SCUBE3: variants seen among roughly 807,000 people sequenced by gnomAD.
SCUBE3 encodes the protein signal peptide, CUB and EGF-like domain-containing protein 3.
In SCUBE3, 33 loss-of-function variants were observed where a neutral mutation model predicts 116.8. The observed-to-expected ratio is 0.28, with a 90% confidence interval of 0.21 to 0.38. The LOEUF is 0.38. Among genes scored for constraint, SCUBE3 ranks in the 10% least tolerant of loss-of-function variants. The pLI is 1.00. For missense variants in SCUBE3, 1,007 were observed against 1,324.8 expected, an observed-to-expected ratio of 0.76 and a Z score of 3.72; for synonymous variants, 418 against 496.9, an observed-to-expected ratio of 0.84 and a Z score of 2.11.
chr6:35,243,964 T>A lies in SCUBE3; in HGVS notation c.2073T>A (p.Gly691=). Residue 691 remains glycine (G), a splice_region_variant and synonymous_variant, in exon 17 of 22, where the codon GGT becomes GGA. Coordinates refer to ENST00000274938, the MANE Select transcript of SCUBE3 (RefSeq NM_152753.4). The surrounding 1 kb of genome is among the most constrained non-coding windows in gnomAD (Gnocchi z 6.6). The stretch of plus-strand genomic sequence containing the variant: ...AGTTGGGCCCTTGATTCATTGCAGG[T>A]CAGTGCCCACCTGGCCAACACTCTG... ...LGATNVTTCA[G]QCPPGQHSVD... 6.2e-7 allele frequency: 1 copy of A among 1,613,406 alleles called. No individual in the cohort carries two copies.
Position 35,241,699 on chromosome 6 carries a change from A to C in SCUBE3, c.1312+40A>C. On this transcript the variant is annotated intron_variant, in intron 11 of 21. Transcript: ENST00000274938. This position sits in a 1 kb window ranked among gnomAD's most constrained non-coding sequence, Gnocchi z 4.1. The stretch of plus-strand genomic sequence containing the variant: ...GGTGCTGGAGAGCTTTGGAGGAGAA[A>C]AGAGGAAGGACTGGCCGTTCAGGCA... The C allele has an allele frequency of 6.5e-7, 1 of 1,542,834 alleles. No individual in the cohort carries two copies. Among genetic ancestry groups the C allele is most frequent in the Non-Finnish European group, 9.0e-7 (1 of 1,114,802 alleles).
rs190502475 is a variant in SCUBE3, at chr6:35,229,616, T to C, written c.334+877T>C. 2.4e-4 allele frequency among the ~76,000 whole-genome samples: 36 copies of C among 152,298 alleles called. No homozygotes were observed. The East Asian group carries it at 6.6e-3, about 28-fold the overall frequency. On this transcript the variant is annotated intron_variant, in intron 3 of 21. Coordinates refer to ENST00000274938, the MANE Select transcript of SCUBE3 (RefSeq NM_152753.4). ...AGGCTTGTTTTCTCCCAGTTCTTCC[T>C]GCAATCTCCAGTCTCACCCTCTCCT...
intron 1 of SCUBE3, 120 bp from the exon 2 acceptor site, chr6:35,227,459 TG>T: frequency 9.8e-7 from 1 of 1,021,184 alleles, no homozygotes; most frequent in South Asian, 1.4e-5. Flanking sequence ...CACCTGTTTC[TG>T]GAGGGGGTCA....
chr6:35,251,518 G>C lies in SCUBE3; in HGVS notation c.*2813G>C, dbSNP rs1158111451. 4 of 152,282 alleles carry C rather than the reference G, an allele frequency of 2.6e-5. No homozygotes were observed. Among genetic ancestry groups the C allele is most frequent in the Admixed American group, 1.3e-4 (2 of 15,278 alleles). 9.4% of individuals were successfully genotyped at this position (152,282 alleles called of 1,614,324 possible). On this transcript the variant is annotated 3_prime_UTR_variant, in exon 22 of 22. Coordinates refer to ENST00000274938, the MANE Select transcript of SCUBE3 (RefSeq NM_152753.4). ...TCTTGGAAAGCCAAACGGTGACCAT[G>C]CTTCTTAATTTATGCCTTCAGGGTC...
Position 35,245,268 on chromosome 6 carries a change from T to C in SCUBE3, c.2442T>C (p.Tyr814=). 1 of 1,614,156 alleles carries C rather than the reference T, an allele frequency of 6.2e-7. No homozygotes were observed. The highest frequency in any genetic ancestry group is 2.2e-5 in the East Asian group (1 of 44,882). The change falls in exon 19 of 22, where the codon TAT becomes TAC. Residue 814 remains tyrosine (Y), a synonymous_variant. Coordinates refer to ENST00000274938, the MANE Select transcript of SCUBE3 (RefSeq NM_152753.4). The surrounding 1 kb of genome is among the most constrained non-coding windows in gnomAD (Gnocchi z 4.2). ...GGGAGCTGGGTGAGTTCACTGGCTA[T>C]ATTGAGTCCCCCAACTACCCGGGCA... is the stretch of plus-strand genomic sequence containing the variant. ...CGGELGEFTG[Y]IESPNYPGNY...
chr6:35,222,042 T>A (rs756573971), intron 1 of SCUBE3: 3 of 152,178 alleles, frequency 2.0e-5, no homozygotes, highest in Non-Finnish European at 2.9e-5. Flanking sequence ...TGTGGGTGGG[T>A]ACATTAGGGC....
rs1413067387 is a variant in SCUBE3 at position 35,243,252 on chromosome 6, G to A, written c.1909+16G>A. On this transcript the variant is annotated intron_variant, in intron 15 of 21. Coordinates refer to ENST00000274938, the MANE Select transcript of SCUBE3 (RefSeq NM_152753.4). This position sits in a 1 kb window ranked among gnomAD's most constrained non-coding sequence, Gnocchi z 6.6. ...ACCAAGTGTGGTAAGGGAGCTTACT[G>A]GGGAGCAGGGATGTAGGAAAGACCC... 2.5e-6 allele frequency: 4 copies of A among 1,606,554 alleles called. No homozygotes were observed. The highest frequency in any genetic ancestry group is 3.4e-6 in the Non-Finnish European group (4 of 1,174,972).
chr6:35,235,107 G>C lies in SCUBE3; in HGVS notation c.712+1806G>C, dbSNP rs551337875. ...GGCAGTATAGTTTAGCAGAAAGGGC[G>C]GCACCCTTTGGGATTTGGGATTTTG... On this transcript the variant is annotated intron_variant, in intron 6 of 21. Coordinates refer to ENST00000274938, the MANE Select transcript of SCUBE3 (RefSeq NM_152753.4). The surrounding 1 kb of genome is among the most constrained non-coding windows in gnomAD (Gnocchi z 4.5). Among the ~76,000 whole-genome samples, 76 of 152,322 alleles carry C rather than the reference G, an allele frequency of 5.0e-4. No homozygotes were observed. The highest frequency in any genetic ancestry group is 3.4e-3 in the Middle Eastern group (1 of 294).
In SCUBE3 at chr6:35,244,093, T is replaced by C. The variant is rs779410189; in HGVS notation, c.2202T>C (p.His734=). Reference sequence around the variant, plus strand: ...GTGGTGGGGGCCTCACCACCAAGCATGAAGGGGCCATTTCCTTCCAAGACT... The same window carrying C: ...GTGGTGGGGGCCTCACCACCAAGCACGAAGGGGCCATTTCCTTCCAAGACT... ...FPCGGGLTTK[H]EGAISFQDCD... is the part of the protein sequence containing the mutation. Residue 734 remains histidine (H), a synonymous_variant, in exon 17 of 22, where the codon CAT becomes CAC. Coordinates refer to ENST00000274938, the MANE Select transcript of SCUBE3 (RefSeq NM_152753.4). This position sits in a 1 kb window ranked among gnomAD's most constrained non-coding sequence, Gnocchi z 4.3. The C allele has an allele frequency of 6.2e-7, 1 of 1,614,000 alleles. No individual in the cohort carries two copies. The highest frequency in any genetic ancestry group is 8.5e-7 in the Non-Finnish European group (1 of 1,179,936).
Position 35,242,185 on chromosome 6 carries a change from G to A in SCUBE3, c.1418-19G>A, listed in dbSNP as rs1022877408. On this transcript the variant is annotated intron_variant, in intron 12 of 21. Coordinates refer to ENST00000274938, the MANE Select transcript of SCUBE3 (RefSeq NM_152753.4). ...CCATGGGCATCCCATACTGTGCTGA[G>A]TTTCTACCATCCCTCTAGAGGCTGC... 3.0e-5 allele frequency: 48 copies of A among 1,577,994 alleles called. No individual in the cohort carries two copies. The East Asian group carries it at 1.1e-3, about 35-fold the overall frequency.
chr6:35,230,424 G>A (rs977033021), intron 3 of SCUBE3, among the ~76,000 whole-genome samples: 4 of 152,226 alleles, frequency 2.6e-5, no homozygotes, highest in Admixed American at 2.6e-4. Context: ...AGGGTTCAAA[G>A]TCTCAATACT....
In SCUBE3 at chr6:35,241,002, A is replaced by G; in HGVS notation, c.1070-139A>G. 1 of 772,804 alleles carries G rather than the reference A, an allele frequency of 1.3e-6. No homozygotes were observed. The highest frequency in any genetic ancestry group is 2.1e-6 in the Non-Finnish European group (1 of 470,110). The allele number at this position is 772,804 out of a possible 1,614,324, so 47.9% of individuals were successfully genotyped here. A position where few individuals can be genotyped will look rare whatever the true frequency, so the allele number is the denominator to read the frequency against. ...TGTGCCTATAGGCACACTGTTGTAC[A>G]GTAGATCTCTCGAACTTATTCATCT... On this transcript the variant is annotated intron_variant, in intron 9 of 21. Coordinates refer to ENST00000274938, the MANE Select transcript of SCUBE3 (RefSeq NM_152753.4). The surrounding 1 kb of genome is among the most constrained non-coding windows in gnomAD (Gnocchi z 4.1).
intron 2 of SCUBE3, 130 bp downstream of exon 2, chr6:35,227,832 T>G: frequency 8.0e-6 from 7 of 874,552 alleles, no homozygotes; most frequent in East Asian, 2.7e-5. Flanking sequence ...GGGGGGGTGG[T>G]GAGGGGGGCA....
rs958285440 is a variant in SCUBE3, at chr6:35,239,325, C to A, written c.830-427C>A. Among the ~76,000 whole-genome samples the A allele has an allele frequency of 2.0e-5, 3 of 152,166 alleles. No individual in the cohort carries two copies. The highest frequency in any genetic ancestry group is 2.1e-4 in the South Asian group (1 of 4,830). On this transcript the variant is annotated intron_variant, in intron 7 of 21. Transcript: ENST00000274938. The surrounding 1 kb of genome is among the most constrained non-coding windows in gnomAD (Gnocchi z 4.1). Reference sequence around the variant, plus strand: ...CCACCTCTCCTTGCCCCGCACCCCCCCAACCCCCCGTCCTGAGGGACAGGA... The same window carrying A: ...CCACCTCTCCTTGCCCCGCACCCCCACAACCCCCCGTCCTGAGGGACAGGA...
Position 35,240,995 on chromosome 6 carries a change from G to A in SCUBE3, c.1070-146G>A. On this transcript the variant is annotated intron_variant, in intron 9 of 21. Transcript: ENST00000274938. This position sits in a 1 kb window ranked among gnomAD's most constrained non-coding sequence, Gnocchi z 4.6. ...GTATTTATGTGCCTATAGGCACACT[G>A]TTGTACAGTAGATCTCTCGAACTTA... is the stretch of plus-strand genomic sequence containing the variant. 1 of 745,232 alleles carries A rather than the reference G, an allele frequency of 1.3e-6. No homozygotes were observed. Among genetic ancestry groups the A allele is most frequent in the Non-Finnish European group, 2.2e-6 (1 of 447,248 alleles). 46.2% of individuals were successfully genotyped at this position (745,232 alleles called of 1,614,324 possible).
At chr6:35,221,769 A>C (rs1365432910) in intron 1 of SCUBE3, 1 of 152,212 alleles carries the variant, frequency 6.6e-6, no homozygotes. Flanking sequence ...ATACACATGA[A>C]CTAAAAGTTA....
At chr6:35,236,287 G>GT (rs1426217407) in intron 6 of SCUBE3, among the ~76,000 whole-genome samples, 1 of 152,206 alleles carries the variant, frequency 6.6e-6, no homozygotes, top group Non-Finnish European at 1.5e-5. Flanking sequence ...TCCTGCACAG[G>GT]TGGGCGGCTA....
Position 35,248,743 on chromosome 6 carries a change from A to C in SCUBE3, c.*38A>C, listed in dbSNP as rs550872918. 23 of 1,595,298 alleles carry C rather than the reference A, an allele frequency of 1.4e-5. No individual in the cohort carries two copies. In the South Asian group the frequency reaches 2.5e-4, roughly 18 times the overall value. Reference sequence around the variant, plus strand: ...CAGAGACCCAATTTTTTAAGCCCCCAGACTCCTTAGCCCTCAGAGCCGGCA... The same window carrying C: ...CAGAGACCCAATTTTTTAAGCCCCCCGACTCCTTAGCCCTCAGAGCCGGCA... On this transcript the variant is annotated 3_prime_UTR_variant, in exon 22 of 22. Coordinates refer to ENST00000274938, the MANE Select transcript of SCUBE3 (RefSeq NM_152753.4).
intron 1 of SCUBE3, among the ~76,000 whole-genome samples, chr6:35,225,721 G>A (rs868176635): frequency 1.3e-5 from 2 of 152,130 alleles, no homozygotes; most frequent in East Asian, 1.9e-4. Flanking sequence ...GTATAAAAGC[G>A]GAGGACAGAT....
Sources: allele counts gnomAD v4.1 joint callset (sites outside exome capture counted in the v4.1 genomes callset), GRCh38; gene constraint gnomAD v4.1.1; non-coding constraint Gnocchi (gnomAD v3.1); transcripts MANE v1.5; gene names NCBI Gene and HGNC (gene_info 2026-07-23, HGNC 2026-07-21).